Variants in SLC19A3 observed in about 807,000 individuals in gnomAD.
SLC19A3 encodes the protein solute carrier family 19 member 3.
SLC19A3 carries 31 observed loss-of-function variants against 40.2 expected under a neutral mutation model. The observed-to-expected ratio is 0.77, with a 90% CI of 0.58 to 1.04. The LOEUF is 1.04. Ranked by LOEUF, SLC19A3 falls within the 50% of genes least tolerant of loss-of-function variation. SLC19A3 has a pLI of 0.00. For synonymous variants in SLC19A3, 212 were observed against 227.5 expected, an observed-to-expected ratio of 0.93 and a Z score of 0.61; for missense variants, 592 against 596.7, an observed-to-expected ratio of 0.99 and a Z score of 0.08.
At chr2:227,706,370 A>C in intron 1 of SLC19A3, 1 of 1,231,626 alleles carries the variant, frequency 8.1e-7, no homozygotes, top group Admixed American at 4.2e-5. Flanking sequence ...TCCAAATCAC[A>C]AGATAGTCCT....
At chr2:227,717,670 G>A (rs1007459996) in intron 1 of SLC19A3, among the ~76,000 whole-genome samples, 1 of 152,124 alleles carries the variant, frequency 6.6e-6, no homozygotes, top group Non-Finnish European at 1.5e-5. Flanking sequence ...AACCATAGGA[G>A]GTGCTGGCAC....
intron 1 of SLC19A3, among the ~76,000 whole-genome samples, chr2:227,713,192 G>A (rs532570324): frequency 6.6e-6 from 1 of 151,876 alleles, no homozygotes; most frequent in East Asian, 1.9e-4. Flanking sequence ...GCTTGAGGCC[G>A]GGAGTTCAAG....
chr2:227,696,062 T>G lies in SLC19A3; in HGVS notation c.999A>C (p.Ala333=). ...ATFGGAVAAF[A]VGYVKVNWDL... ...CCCAGTTGACTTTCACATAACCCAC[T>G]GCAAAGGCAGCCACAGCCCCTGAAA... Residue 333 remains alanine (A), a synonymous_variant, in exon 4 of 6, where the codon GCA becomes GCC. Coordinates refer to ENST00000644224, the MANE Select transcript of SLC19A3 (RefSeq NM_025243.4). 2 of 1,598,446 alleles carry G rather than the reference T, an allele frequency of 1.3e-6. No individual in the cohort carries two copies. The highest frequency in any genetic ancestry group is 1.7e-6 in the Non-Finnish European group (2 of 1,175,678).
chr2:227,689,126 A>G (rs1211880867), intron 4 of SLC19A3, among the ~76,000 whole-genome samples: 1 of 152,150 alleles, frequency 6.6e-6, no homozygotes, highest in East Asian at 1.9e-4. Context: ...ATACCTAGAA[A>G]ACAGCCTCAA....
Position 227,714,482 on chromosome 2 carries a change from C to T in SLC19A3, c.-3+3461G>A, listed in dbSNP as rs539232782. 1.8e-5 allele frequency: 18 copies of T among 985,394 alleles called. No individual in the cohort carries two copies. In the Admixed American group the frequency reaches 1.8e-4, roughly 10 times the overall value. The allele number at this position is 985,394 out of a possible 1,614,324, so 61.0% of individuals were successfully genotyped here. On this transcript the variant is annotated intron_variant, in intron 1 of 5. Transcript: ENST00000644224. Reference sequence around the variant, plus strand: ...TTCTGTGCCCCCAGTTTCTTTCTTTCTAGAACCAAGCTGGCTTCCTGCCTT... The same window carrying T: ...TTCTGTGCCCCCAGTTTCTTTCTTTTTAGAACCAAGCTGGCTTCCTGCCTT...
intron 4 of SLC19A3, among the ~76,000 whole-genome samples, chr2:227,694,830 G>C (rs185414454): frequency 1.3e-4 from 20 of 152,284 alleles, no homozygotes; most frequent in Admixed American, 4.6e-4. Context: ...TGAGGCCAGA[G>C]GATTACTTGA....
intron 1 of SLC19A3, among the ~76,000 whole-genome samples, chr2:227,708,533 T>G (rs1045514661): frequency 2.0e-5 from 3 of 151,660 alleles, no homozygotes; most frequent in Non-Finnish European, 4.4e-5. Flanking sequence ...CAGGAGAGCC[T>G]GGCAACATAG....
chr2:227,697,092 A>C (rs1695466894), intron 3 of SLC19A3, among the ~76,000 whole-genome samples: 1 of 152,178 alleles, frequency 6.6e-6, no homozygotes, highest in Non-Finnish European at 1.5e-5. Context: ...AAAGGTATTT[A>C]GATTTCAAAT....
chr2:227,699,947 C>T (rs111618899), intron 2 of SLC19A3, among the ~76,000 whole-genome samples: 2 of 151,888 alleles, frequency 1.3e-5, no homozygotes, highest in East Asian at 2.0e-4. Flanking sequence ...GCCCGATCTT[C>T]GCTGACTGCA....
At chr2:227,705,952 G>A (rs114351070) in intron 1 of SLC19A3, among the ~76,000 whole-genome samples, 3,141 of 152,120 alleles carry the variant, frequency 0.021, 108 homozygotes, top group African/African-American at 0.072. Flanking sequence ...GGAGGCTGAG[G>A]TGAGAGGATG....
Position 227,706,347 on chromosome 2 carries a change from A to G in SLC19A3, c.-2-4027T>C, listed in dbSNP as rs910569893. 4.9e-6 allele frequency: 6 copies of G among 1,231,232 alleles called. No individual in the cohort carries two copies. The African/African-American group carries it at 7.8e-5, about 16-fold the overall frequency. 76.3% of individuals were successfully genotyped at this position (1,231,232 alleles called of 1,614,324 possible). Reference sequence around the variant, plus strand: ...AGCCAGATGTTTACCTTTCCCCTTCATTTTCTGTGTGTTCCAAATCACAAG... The same window carrying G: ...AGCCAGATGTTTACCTTTCCCCTTCGTTTTCTGTGTGTTCCAAATCACAAG... On this transcript the variant is annotated intron_variant, in intron 1 of 5. Transcript: ENST00000644224.
intron 4 of SLC19A3, among the ~76,000 whole-genome samples, chr2:227,691,094 A>T (rs1002722720): frequency 1.3e-5 from 2 of 152,210 alleles, no homozygotes; most frequent in Non-Finnish European, 2.9e-5. Flanking sequence ...CAATAGAATA[A>T]AACTAGAAAT....
At position 227,711,422 on chromosome 2, in the gene SLC19A3, A is replaced by AAAAAAAAAT. The variant is rs1553575206; in HGVS notation, c.-3+6520_-3+6521insATTTTTTTT. ...GTGACAGAGCGAGACTCTGTCTCAA[A>AAAAAAAAAT]AAAATAAAATAAAATAAAATAAAAT... On this transcript the variant is annotated intron_variant, in intron 1 of 5. Coordinates refer to ENST00000644224, the MANE Select transcript of SLC19A3 (RefSeq NM_025243.4). 4.5e-3 allele frequency among the ~76,000 whole-genome samples: 642 copies of AAAAAAAAAT among 143,738 alleles called. 5 individuals are homozygous for AAAAAAAAAT. Among genetic ancestry groups the AAAAAAAAAT allele is most frequent in the African/African-American group, 0.015 (596 of 39,282 alleles). 94.3% of individuals were successfully genotyped at this position (143,738 alleles called of 152,430 possible).
intron 4 of SLC19A3, among the ~76,000 whole-genome samples, chr2:227,693,914 A>C (rs1695328911): frequency 6.6e-6 from 1 of 152,172 alleles, no homozygotes; most frequent in South Asian, 2.1e-4. Context: ...ATGGGCAAAA[A>C]TCTGAACAGA....
rs923063638 is a variant in SLC19A3 at position 227,684,795 on chromosome 2, C to G, written c.*2602G>C. 1 of 151,642 alleles carries G rather than the reference C, an allele frequency of 6.6e-6. No individual in the cohort carries two copies. Among genetic ancestry groups the G allele is most frequent in the Non-Finnish European group, 1.5e-5 (1 of 67,952 alleles). The allele number at this position is 151,642 out of a possible 1,614,324, so 9.4% of individuals were successfully genotyped here. ...ACCAGGAGTTTGAAACCAGCCTGAC[C>G]AACATGGTGAAACCCCGTCTCTACT... On this transcript the variant is annotated 3_prime_UTR_variant, in exon 6 of 6. Coordinates refer to ENST00000644224, the MANE Select transcript of SLC19A3 (RefSeq NM_025243.4).
chr2:227,688,079 G>A, intron 5 of SLC19A3, 87 bp downstream of exon 5: 1 of 1,402,824 alleles, frequency 7.1e-7, no homozygotes, highest in Non-Finnish European at 1.0e-6. Flanking sequence ...GCTTAACCAA[G>A]GAACTCAAGA....
At chr2:227,698,508 C>G (rs1695530006) in intron 3 of SLC19A3, among the ~76,000 whole-genome samples, 1 of 152,016 alleles carries the variant, frequency 6.6e-6, no homozygotes, top group Non-Finnish European at 1.5e-5. Context: ...ACTGCATTAG[C>G]CAGGATGGTC....
chr2:227,691,176 G>A (rs1309259696), intron 4 of SLC19A3, among the ~76,000 whole-genome samples: 1 of 152,102 alleles, frequency 6.6e-6, no homozygotes, highest in Non-Finnish European at 1.5e-5. Flanking sequence ...AATGACCAGT[G>A]GGTCAATGAA....
At position 227,684,692 on chromosome 2, in the gene SLC19A3, G is replaced by C. The variant is rs1559238522; in HGVS notation, c.*2705C>G. Reference sequence around the variant, plus strand: ...CCAGAATAATAAGTTAAAAAAGAAGGATAATAGACTGGGTGTGAGGTGGCT... The same window carrying C: ...CCAGAATAATAAGTTAAAAAAGAAGCATAATAGACTGGGTGTGAGGTGGCT... On this transcript the variant is annotated 3_prime_UTR_variant, in exon 6 of 6. Coordinates refer to ENST00000644224, the MANE Select transcript of SLC19A3 (RefSeq NM_025243.4). 6.6e-6 allele frequency: 1 copy of C among 151,984 alleles called. No homozygotes were observed. The highest frequency in any genetic ancestry group is 6.6e-5 in the Admixed American group (1 of 15,238). The allele number at this position is 151,984 out of a possible 1,614,324, so 9.4% of individuals were successfully genotyped here. A position where few individuals can be genotyped will look rare whatever the true frequency, so the allele number is the denominator to read the frequency against.
Sources: allele counts gnomAD v4.1 joint callset (sites outside exome capture counted in the v4.1 genomes callset), GRCh38; gene constraint gnomAD v4.1.1; transcripts MANE v1.5; gene names NCBI Gene and HGNC (gene_info 2026-07-23, HGNC 2026-07-21).